EML1: variants seen among roughly 807,000 people sequenced by gnomAD.
The protein encoded by EML1 is echinoderm microtubule-associated protein-like 1.
EML1 carries 27 observed loss-of-function variants against 110.4 expected under a neutral mutation model. The observed-to-expected ratio is 0.24, with a 90% CI of 0.18 to 0.34. The LOEUF (loss-of-function observed/expected upper bound fraction) is 0.34. EML1 is among the 10% of genes least tolerant of loss of function. EML1 has a pLI of 1.00. For synonymous variants in EML1, 344 were observed against 385.8 expected (o/e 0.89, Z 1.27); for missense variants, 741 against 1,030.9 (o/e 0.72, Z 3.85).
chr14:99,870,333 GTTGGCTCATGAGGT>G (rs1172621248), intron 3 of EML1, among the ~76,000 whole-genome samples: 1 of 152,184 alleles, frequency 6.6e-6, no homozygotes, highest in Non-Finnish European at 1.5e-5. Flanking sequence ...GCCAGCAGAG[GTTGGCTCATGAGGT>G]TTAAGGGAAG....
intron 10 of EML1, among the ~76,000 whole-genome samples, chr14:99,908,955 A>G (rs1202034930): frequency 6.6e-6 from 1 of 152,220 alleles, no homozygotes; most frequent in African/African-American, 2.4e-5. Context: ...TTGTTCGGCC[A>G]GACTGGGAAC....
Position 99,865,499 on chromosome 14 carries a change from C to T in EML1, c.251-15C>T, listed in dbSNP as rs1392309142. ...AAGGGGAACTTTCTGATATTATTTT[C>T]TGCTTGTCTTACAGCAAGACCACTG... On this transcript the variant is annotated splice_polypyrimidine_tract_variant and intron_variant, in intron 2 of 21. Coordinates refer to ENST00000262233, the MANE Select transcript of EML1 (RefSeq NM_004434.3). The T allele has an allele frequency of 3.7e-6, 6 of 1,613,164 alleles. No individual in the cohort carries two copies. The highest frequency in any genetic ancestry group is 5.1e-6 in the Non-Finnish European group (6 of 1,179,660).
At chr14:99,821,376 G>A (rs1015893974) in intron 1 of EML1, among the ~76,000 whole-genome samples, 6 of 152,094 alleles carry the variant, frequency 3.9e-5, no homozygotes, top group African/African-American at 1.2e-4. Context: ...TCTCCAAGCC[G>A]GGCAAAGTGG....
intron 1 of EML1, among the ~76,000 whole-genome samples, chr14:99,752,060 G>A (rs144848653): frequency 1.3e-5 from 2 of 152,144 alleles, no homozygotes; most frequent in East Asian, 3.9e-4. Flanking sequence ...CCATCACAGC[G>A]CCCCAGATGC....
At chr14:99,738,751 G>A (rs966203131) in intron 1 of EML1, among the ~76,000 whole-genome samples, 2 of 152,218 alleles carry the variant, frequency 1.3e-5, no homozygotes, top group African/African-American at 4.8e-5. Flanking sequence ...GGGGTGCACT[G>A]AGTGCTCAGG....
chr14:99,865,246 C>G (rs910075738), intron 2 of EML1, among the ~76,000 whole-genome samples: 2 of 152,168 alleles, frequency 1.3e-5, no homozygotes, highest in Admixed American at 6.5e-5. Flanking sequence ...ATAAGGAATG[C>G]TCAACCTAGA....
At chr14:99,868,183 A>T (rs1281349510) in intron 3 of EML1, among the ~76,000 whole-genome samples, 2 of 152,226 alleles carry the variant, frequency 1.3e-5, no homozygotes, top group Non-Finnish European at 2.9e-5. Flanking sequence ...GTCATGGTAT[A>T]TAATCCATTT....
At chr14:99,754,327 TC>T (rs2057219072) in intron 1 of EML1, among the ~76,000 whole-genome samples, 1 of 152,138 alleles carries the variant, frequency 6.6e-6, no homozygotes, top group African/African-American at 2.4e-5. Flanking sequence ...GGGGGCCCCA[TC>T]TCCCAGCCTG....
upstream of EML1, among the ~76,000 whole-genome samples, chr14:99,788,515 G>A (rs1341433232): frequency 1.3e-5 from 2 of 152,180 alleles, no homozygotes; most frequent in East Asian, 3.9e-4. Flanking sequence ...AGGCTGAGGA[G>A]GGAGGATCGT....
intron 1 of EML1, among the ~76,000 whole-genome samples, chr14:99,739,202 A>T (rs115586303): frequency 0.02 from 3,049 of 150,760 alleles, 102 homozygotes; most frequent in African/African-American, 0.071. Context: ...ACCCTCTTCC[A>T]CTGGGTGCCA....
rs776959049 is a variant in EML1 at position 99,920,802 on chromosome 14, G to A, written c.1834G>A (p.Asp612Asn). 6.2e-7 allele frequency: 1 copy of A among 1,612,890 alleles called. No homozygotes were observed. The highest frequency in any genetic ancestry group is 1.1e-5 in the South Asian group (1 of 90,778). Residue 612 changes from aspartate (D) to asparagine (N), a missense_variant, in exon 17 of 22, where the codon GAC (aspartate) becomes AAC (asparagine). By Grantham distance (23) the Asp-to-Asn change is conservative. Around this residue, in one of 4 missense-constraint regions of EML1, gnomAD observed 388 missense variants for 605.6 expected, o/e 0.64. Coordinates refer to ENST00000262233, the MANE Select transcript of EML1 (RefSeq NM_004434.3). ...TGTTGATAACAGGTGGTTTGTGTTTGACACAGAAACAAAAGACTTGGTCAC... is the reference window on the plus strand; with the variant it reads ...TGTTGATAACAGGTGGTTTGTGTTTAACACAGAAACAAAAGACTTGGTCAC... Reference protein sequence around the residue: ...GTLTGRWFVFDTETKDLVTVH... With the variant: ...GTLTGRWFVFNTETKDLVTVH...
At chr14:99,875,664 C>A (rs1243196033) in intron 3 of EML1, among the ~76,000 whole-genome samples, 1 of 152,184 alleles carries the variant, frequency 6.6e-6, no homozygotes, top group Non-Finnish European at 1.5e-5. Context: ...AGGGCCCCGG[C>A]AGCTGGTTGG....
chr14:99,758,489 T>C (rs562154778), intron 1 of EML1, among the ~76,000 whole-genome samples: 2 of 152,050 alleles, frequency 1.3e-5, no homozygotes, highest in East Asian at 3.9e-4. Flanking sequence ...AGGGCAGAGG[T>C]TTCAGTCTTT....
chr14:99,753,980 C>T (rs910592601), intron 1 of EML1, among the ~76,000 whole-genome samples: 1 of 152,168 alleles, frequency 6.6e-6, no homozygotes, highest in African/African-American at 2.4e-5. Context: ...GAGGGCTTTC[C>T]AACAAGGGCC....
Position 99,849,811 on chromosome 14 carries a change from G to C in EML1, c.68-1042G>C, listed in dbSNP as rs190844768. ...GATCCGTTTGCCTTGGCCTCCCAGA[G>C]TGATGGGATTACAGACATGAGCCAC... On this transcript the variant is annotated intron_variant, in intron 1 of 21. Transcript: ENST00000262233. Among the ~76,000 whole-genome samples the C allele has an allele frequency of 2.1e-3, 322 of 152,152 alleles. 2 individuals are homozygous for C. Among genetic ancestry groups the C allele is most frequent in the East Asian group, 0.015 (75 of 5,112 alleles).
intron 1 of EML1, among the ~76,000 whole-genome samples, chr14:99,822,697 A>G (rs1384467469): frequency 6.6e-6 from 1 of 152,080 alleles, no homozygotes; most frequent in Admixed American, 6.6e-5. Flanking sequence ...GTGCCAAGAA[A>G]TGCCGTTTCT....
intron 4 of EML1, among the ~76,000 whole-genome samples, chr14:99,890,606 C>G (rs929977086): frequency 4.6e-5 from 7 of 152,128 alleles, no homozygotes; most frequent in African/African-American, 1.7e-4. Flanking sequence ...ATGGGGTGGT[C>G]TCACCTGCTC....
chr14:99,860,175 C>A (rs2139863026), intron 2 of EML1, among the ~76,000 whole-genome samples: 1 of 152,302 alleles, frequency 6.6e-6, no homozygotes, highest in East Asian at 1.9e-4. Flanking sequence ...CGGATGCGTT[C>A]CAAACACAGC....
In EML1 at chr14:99,936,453, A is replaced by G. The variant is rs565955491; in HGVS notation, c.2095+119A>G. The G allele has an allele frequency of 3.3e-6, 3 of 901,600 alleles. No homozygotes were observed. Among genetic ancestry groups the G allele is most frequent in the Non-Finnish European group, 3.5e-6 (2 of 578,356 alleles). 55.9% of individuals were successfully genotyped at this position (901,600 alleles called of 1,614,324 possible). ...GACTTAGGCACGTGCCATCATCTCT[A>G]GGTCATGGTTTCCGCCTCTGTAACG... is the stretch of plus-strand genomic sequence containing the variant. On this transcript the variant is annotated intron_variant, in intron 19 of 21. Transcript: ENST00000262233. The surrounding 1 kb of genome is among the most constrained non-coding windows in gnomAD (Gnocchi z 5.5).
Sources: allele counts gnomAD v4.1 joint callset (sites outside exome capture counted in the v4.1 genomes callset), GRCh38; gene constraint gnomAD v4.1.1; regional missense constraint gnomAD v4.1.1; non-coding constraint Gnocchi (gnomAD v3.1); transcripts MANE v1.5; gene names NCBI Gene and HGNC (gene_info 2026-07-23, HGNC 2026-07-21).